Variants in ZMAT4 observed in about 807,000 individuals in gnomAD.
ZMAT4 encodes zinc finger matrin-type protein 4.
In ZMAT4, 17 loss-of-function variants were observed where a neutral mutation model predicts 28.7. That is an observed-to-expected ratio of 0.59 (90% CI 0.41 to 0.89). The LOEUF (loss-of-function observed/expected upper bound fraction) is 0.89. Among genes scored for constraint, ZMAT4 ranks in the 40% least tolerant of loss-of-function variants. The pLI, the probability that ZMAT4 is intolerant of heterozygous loss-of-function variation, is 0.00. For missense variants in ZMAT4, 240 were observed against 283.8 expected (o/e 0.85, Z 1.11); for synonymous variants, 117 against 109.2 (o/e 1.07, Z -0.44).
At chr8:40,643,541 G>A (rs186546721) in intron 5 of ZMAT4, among the ~76,000 whole-genome samples, 3 of 152,166 alleles carry the variant, frequency 2.0e-5, no homozygotes, top group East Asian at 3.9e-4. Flanking sequence ...ATCATACAAT[G>A]ATGAAACAAA....
chr8:40,837,767 G>A (rs1050121009), intron 1 of ZMAT4, among the ~76,000 whole-genome samples: 4 of 152,302 alleles, frequency 2.6e-5, no homozygotes, highest in South Asian at 4.1e-4. Context: ...CAAGCAACTC[G>A]TGGGAAAGCA....
At chr8:40,757,095 A>C (rs1197049560) in intron 3 of ZMAT4, among the ~76,000 whole-genome samples, 1 of 152,172 alleles carries the variant, frequency 6.6e-6, no homozygotes, top group Non-Finnish European at 1.5e-5. Context: ...AAAAGCACAG[A>C]AAGGTAACAA....
chr8:40,738,340 A>G (rs1195959522), intron 3 of ZMAT4, among the ~76,000 whole-genome samples: 1 of 152,136 alleles, frequency 6.6e-6, no homozygotes, highest in Non-Finnish European at 1.5e-5. Flanking sequence ...AGACCCTGCC[A>G]CAGAGCTCTG....
intron 6 of ZMAT4, among the ~76,000 whole-genome samples, chr8:40,537,872 A>G (rs539185277): frequency 2.6e-5 from 4 of 152,138 alleles, no homozygotes; most frequent in African/African-American, 7.2e-5. Context: ...TATTTGGGTG[A>G]CTCCATTCCC....
chr8:40,795,558 T>A (rs773704746), intron 2 of ZMAT4, among the ~76,000 whole-genome samples: 38 of 152,158 alleles, frequency 2.5e-4, no homozygotes, highest in Non-Finnish European at 2.6e-4. Context: ...CCCTGGGGGC[T>A]CCTTTTATGT....
At chr8:40,632,052 C>T (rs1364570776) in intron 5 of ZMAT4, among the ~76,000 whole-genome samples, 1 of 152,168 alleles carries the variant, frequency 6.6e-6, no homozygotes, top group Admixed American at 6.5e-5. Flanking sequence ...CACAGGGAGC[C>T]TTTCCTGCCT....
Position 40,885,883 on chromosome 8 carries a change from C to T in ZMAT4, c.-5+11800G>A, listed in dbSNP as rs117851009. On this transcript the variant is annotated intron_variant, in intron 1 of 6. Coordinates refer to ENST00000297737, the MANE Select transcript of ZMAT4 (RefSeq NM_024645.3). ...ACTCCCTGTTCCCCTTGTGGGGCTT[C>T]ACGTTTCTCCCTTGCACTCATTGGC... Among the ~76,000 whole-genome samples, 1,351 of 152,314 alleles carry T rather than the reference C, an allele frequency of 8.9e-3. 11 individuals carry two copies. The highest frequency in any genetic ancestry group is 0.013 in the Admixed American group (204 of 15,312).
chr8:40,651,235 G>T (rs1357921454), intron 5 of ZMAT4, among the ~76,000 whole-genome samples: 1 of 151,996 alleles, frequency 6.6e-6, no homozygotes, highest in Non-Finnish European at 1.5e-5. Flanking sequence ...CAAGTCTCAG[G>T]ATACAAAATC....
At chr8:40,544,684 T>C (rs543967027) in intron 6 of ZMAT4, among the ~76,000 whole-genome samples, 3 of 152,298 alleles carry the variant, frequency 2.0e-5, no homozygotes, top group African/African-American at 7.2e-5. Flanking sequence ...CACTGTCGTT[T>C]TGTACCAAAA....
intron 1 of ZMAT4, among the ~76,000 whole-genome samples, chr8:40,867,087 C>T (rs570755340): frequency 3.3e-5 from 5 of 152,298 alleles, no homozygotes; most frequent in African/African-American, 9.6e-5. Flanking sequence ...AAGGCAACAT[C>T]GCCTCTAGCC....
chr8:40,791,682 G>C (rs62642756), intron 2 of ZMAT4, among the ~76,000 whole-genome samples: 1 of 152,090 alleles, frequency 6.6e-6, no homozygotes, highest in African/African-American at 2.4e-5. Flanking sequence ...TCAGAACATA[G>C]ATTTTTTTAA....
intron 3 of ZMAT4, among the ~76,000 whole-genome samples, chr8:40,757,050 T>C (rs745727498): frequency 6.6e-6 from 1 of 152,070 alleles, no homozygotes; most frequent in African/African-American, 2.4e-5. Flanking sequence ...CAGTGTTGCG[T>C]TTGGAGGCCA....
intron 2 of ZMAT4, among the ~76,000 whole-genome samples, chr8:40,803,863 G>C (rs1357333473): frequency 6.6e-6 from 1 of 152,062 alleles, no homozygotes; most frequent in Non-Finnish European, 1.5e-5. Flanking sequence ...ATAAGCTGTG[G>C]GACATCCAAA....
chr8:40,833,480 A>C (rs1816359157), intron 1 of ZMAT4, among the ~76,000 whole-genome samples: 1 of 150,052 alleles, frequency 6.7e-6, no homozygotes. Flanking sequence ...AGGCAGGAGA[A>C]TCACTTGAAC....
chr8:40,664,723 C>T (rs945432556), intron 5 of ZMAT4, among the ~76,000 whole-genome samples: 2 of 152,200 alleles, frequency 1.3e-5, no homozygotes, highest in South Asian at 2.1e-4. Flanking sequence ...TGTCATTTGT[C>T]GTTGTAAGCC....
chr8:40,726,238 T>C (rs1207330992), intron 3 of ZMAT4, among the ~76,000 whole-genome samples: 1 of 152,244 alleles, frequency 6.6e-6, no homozygotes, highest in Non-Finnish European at 1.5e-5. Context: ...TTTTATTTGG[T>C]CAAAGATATT....
At chr8:40,725,406 T>C (rs1032363647) in intron 3 of ZMAT4, among the ~76,000 whole-genome samples, 5 of 152,282 alleles carry the variant, frequency 3.3e-5, no homozygotes, top group Admixed American at 6.5e-5. Context: ...CATTTTTGTA[T>C]GTATTAGTAT....
At chr8:40,624,325 G>A (rs1291851239) in intron 5 of ZMAT4, among the ~76,000 whole-genome samples, 1 of 152,224 alleles carries the variant, frequency 6.6e-6, no homozygotes, top group Non-Finnish European at 1.5e-5. Context: ...CGAGAGGGCA[G>A]TGGTCTGCAA....
intron 1 of ZMAT4, among the ~76,000 whole-genome samples, chr8:40,834,106 G>A (rs1445805725): frequency 6.6e-6 from 1 of 152,156 alleles, no homozygotes; most frequent in East Asian, 1.9e-4. Context: ...TTTGATTCCT[G>A]ACTCAGAGGC....
Sources: gnomAD v4.1 joint callset for allele counts (sites outside exome capture counted in the v4.1 genomes callset) on GRCh38, gnomAD v4.1.1 for gene constraint, MANE v1.5 for transcripts, NCBI Gene and HGNC (gene_info 2026-07-23, HGNC 2026-07-21) for gene names.